Variants in AKR1C8 observed in about 807,000 individuals in gnomAD.
AKR1C8 encodes aldo-keto reductase family 1 member C-like protein 1.
chr10:5,125,708 A>G, the AKR1C8 span, among the ~76,000 whole-genome samples: 2 of 152,204 alleles, frequency 1.3e-5, no homozygotes, highest in African/African-American at 4.8e-5. Flanking sequence ...GAGAAAGCCA[A>G]CACAAAATGG....
chr10:5,160,522 C>T, the AKR1C8 span, among the ~76,000 whole-genome samples: 3 of 152,168 alleles, frequency 2.0e-5, no homozygotes, highest in African/African-American at 4.8e-5. Flanking sequence ...ATGCTGACTC[C>T]TTTTGTGCTT....
chr10:5,166,161 T>C, the AKR1C8 span, among the ~76,000 whole-genome samples: 8 of 152,064 alleles, frequency 5.3e-5, no homozygotes, highest in Admixed American at 2.6e-4. Context: ...TTCTGAAGCA[T>C]TGAGATTCCT....
the AKR1C8 span, chr10:5,154,177 G>C: frequency 1.1e-5 from 5 of 470,368 alleles, no homozygotes; most frequent in African/African-American, 8.0e-5. Flanking sequence ...AGGGTGATTA[G>C]CAGCACTGAA....
chr10:5,184,943 C>A, the AKR1C8 span: 1 of 514,286 alleles, frequency 1.9e-6, no homozygotes, highest in South Asian at 1.5e-5. Context: ...AAGTGCAGGG[C>A]TCTTGCCTGA....
chr10:5,175,502 G>A, the AKR1C8 span, among the ~76,000 whole-genome samples: 1 of 152,050 alleles, frequency 6.6e-6, no homozygotes, highest in Admixed American at 6.5e-5. Context: ...GTAATGGGAT[G>A]GCTAGGTCAA....
At chr10:5,130,394 A>T in the AKR1C8 span, among the ~76,000 whole-genome samples, 1 of 151,912 alleles carries the variant, frequency 6.6e-6, no homozygotes, top group African/African-American at 2.4e-5. Context: ...ACTTCTGTTA[A>T]TATTAAACTT....
the AKR1C8 span, chr10:5,162,088 A>G: frequency 4.9e-6 from 2 of 407,318 alleles, no homozygotes; most frequent in Non-Finnish European, 9.8e-6. Flanking sequence ...GTCCAAAGCT[A>G]AAAGAGCTGG....
chr10:5,166,174 G>A, the AKR1C8 span, among the ~76,000 whole-genome samples: 1 of 151,790 alleles, frequency 6.6e-6, no homozygotes, highest in African/African-American at 2.4e-5. Context: ...AGATTCCTTT[G>A]ACCCCGAGAC....
the AKR1C8 span, among the ~76,000 whole-genome samples, chr10:5,175,661 T>C: frequency 4.9e-3 from 752 of 152,294 alleles, 4 homozygotes; most frequent in Non-Finnish European, 8.5e-3. Flanking sequence ...TTTTAATGAT[T>C]GCCATTCTAA....
the AKR1C8 span, among the ~76,000 whole-genome samples, chr10:5,159,713 G>C: frequency 3.3e-5 from 5 of 152,104 alleles, no homozygotes; most frequent in African/African-American, 1.2e-4. Context: ...CTGAAGAATT[G>C]TGCTCTTCCA....
At chr10:5,140,702 C>T in the AKR1C8 span, among the ~76,000 whole-genome samples, 13 of 151,806 alleles carry the variant, frequency 8.6e-5, no homozygotes, top group Admixed American at 3.9e-4. Context: ...ATGTAAATGA[C>T]GAGTTAATGG....
At chr10:5,153,752 T>G in the AKR1C8 span, among the ~76,000 whole-genome samples, 1 of 152,142 alleles carries the variant, frequency 6.6e-6, no homozygotes, top group Middle Eastern at 3.2e-3. Flanking sequence ...AGACCGCCCC[T>G]ATGATCCAAT....
chr10:5,141,648 C>A, the AKR1C8 span, among the ~76,000 whole-genome samples: 1 of 152,122 alleles, frequency 6.6e-6, no homozygotes, highest in Admixed American at 6.6e-5. Context: ...CAGAAGTAAT[C>A]TTTTGGTACC....
At chr10:5,179,803 A>C in the AKR1C8 span, among the ~76,000 whole-genome samples, 3 of 152,106 alleles carry the variant, frequency 2.0e-5, no homozygotes, top group Non-Finnish European at 4.4e-5. Context: ...TGTAGTTCTC[A>C]AGCCTTGGCT....
At chr10:5,181,240 T>C in the AKR1C8 span, among the ~76,000 whole-genome samples, 1 of 151,966 alleles carries the variant, frequency 6.6e-6, no homozygotes, top group African/African-American at 2.4e-5. Context: ...TAAGATTAAA[T>C]AGAATTATCT....
At chr10:5,120,098 A>C in the AKR1C8 span, among the ~76,000 whole-genome samples, 1 of 152,224 alleles carries the variant, frequency 6.6e-6, no homozygotes. Flanking sequence ...CACCCAGGGC[A>C]GAAAACCACT....
the AKR1C8 span, among the ~76,000 whole-genome samples, chr10:5,158,919 CGT>C: frequency 2.0e-5 from 3 of 152,086 alleles, no homozygotes; most frequent in Non-Finnish European, 2.9e-5. Context: ...CTTTTCTATT[CGT>C]GTTTGAAAAT....
At chr10:5,118,406 G>T in the AKR1C8 span, among the ~76,000 whole-genome samples, 18 of 119,914 alleles carry the variant, frequency 1.5e-4, no homozygotes, top group African/African-American at 5.7e-4. Flanking sequence ...GTGGGGCAGG[G>T]CCTTCTGTGA....
chr10:5,175,218 G>A, the AKR1C8 span, among the ~76,000 whole-genome samples: 5 of 147,528 alleles, frequency 3.4e-5, no homozygotes, highest in African/African-American at 1.0e-4. Flanking sequence ...GACTGAGAAT[G>A]TGCGATGTTT....
Sources: allele counts gnomAD v4.1 joint callset (sites outside exome capture counted in the v4.1 genomes callset), GRCh38; gene constraint gnomAD v4.1.1; transcripts MANE v1.5; gene names NCBI Gene and HGNC (gene_info 2026-07-23, HGNC 2026-07-21).